The following ASPSCR1 variants were observed in gnomAD, a reference collection of about 807,000 sequenced individuals.
ASPSCR1 encodes tether containing UBX domain for GLUT4.
A neutral mutation model predicts 68.9 loss-of-function variants in ASPSCR1; 55 were observed. The ratio of observed to expected loss-of-function variants is 0.80; its 90% CI spans 0.64 to 1.00. ASPSCR1 has a LOEUF of 1.00. Among genes scored for constraint, ASPSCR1 ranks in the 50% least tolerant of loss-of-function variants. The pLI, the probability that ASPSCR1 is intolerant of heterozygous loss-of-function variation, is 0.00. For missense variants in ASPSCR1, 765 were observed against 762.2 expected (o/e 1.00, Z -0.04); for synonymous variants, 352 against 332.6 (o/e 1.06, Z -0.63).
At chr17:82,005,225 CTGCTCAG>C (rs2042672102) in intron 7 of ASPSCR1, 1 of 152,356 alleles carries the variant, frequency 6.6e-6, no homozygotes. Context: ...AACACGGCCT[CTGCTCAG>C]TGGCAGGGTG....
chr17:81,998,816 T>C (rs1366935408), intron 7 of ASPSCR1, among the ~76,000 whole-genome samples: 2 of 152,242 alleles, frequency 1.3e-5, no homozygotes, highest in African/African-American at 2.4e-5. Context: ...CCGAAGGTTA[T>C]GGCCACTGCT....
At chr17:81,993,216 T>C (rs1016313313) in intron 4 of ASPSCR1, among the ~76,000 whole-genome samples, 1 of 151,996 alleles carries the variant, frequency 6.6e-6, no homozygotes. Flanking sequence ...TGTTTTGTTT[T>C]GTTTTGTTTG....
chr17:82,012,340 CGA>C, intron 12 of ASPSCR1, 57 bp downstream of exon 12: 1 of 1,565,122 alleles, frequency 6.4e-7, no homozygotes, highest in South Asian at 1.1e-5. Flanking sequence ...GAGGGCAGGA[CGA>C]GAGCGTGAGG....
chr17:81,982,215 C>T lies in ASPSCR1; in HGVS notation c.159-1339C>T, dbSNP rs551687735. Among the ~76,000 whole-genome samples the T allele has an allele frequency of 3.3e-5, 5 of 152,376 alleles. No homozygotes were observed. In the East Asian group the frequency reaches 7.7e-4, roughly 24 times the overall value. On this transcript the variant is annotated intron_variant, in intron 2 of 15. Transcript: ENST00000306739. ...AACTCCTGACCTCAAGTGATCTGCC[C>T]GTCTGGGCCTCCCAAATTGCTGGGA...
chr17:81,980,604 G>A (rs1475306536), intron 2 of ASPSCR1, among the ~76,000 whole-genome samples: 3 of 152,240 alleles, frequency 2.0e-5, no homozygotes, highest in Non-Finnish European at 4.4e-5. Context: ...GTTGCAGCTT[G>A]CAGGGTGGCC....
intron 4 of ASPSCR1, among the ~76,000 whole-genome samples, chr17:81,989,549 G>T (rs1304223052): frequency 6.6e-6 from 1 of 152,200 alleles, no homozygotes; most frequent in Non-Finnish European, 1.5e-5. Context: ...GACAGTGTAG[G>T]CGCTGTGCTT....
chr17:81,991,435 G>A (rs2144028737), intron 4 of ASPSCR1, among the ~76,000 whole-genome samples: 1 of 152,330 alleles, frequency 6.6e-6, no homozygotes, highest in African/African-American at 2.4e-5. Context: ...CTGGGGTGTA[G>A]GGATGGGCTG....
intron 3 of ASPSCR1, among the ~76,000 whole-genome samples, chr17:81,984,864 GCACACCCCCGCACA>G (rs2041919413): frequency 2.5e-5 from 1 of 39,506 alleles, no homozygotes; most frequent in South Asian, 9.5e-4. Flanking sequence ...ACACACACCT[GCACACCCCCGCACA>G]CACACCCCCC....
intron 14 of ASPSCR1, 25 bp from the exon 15 acceptor site, chr17:82,016,916 A>G: frequency 1.2e-6 from 2 of 1,611,374 alleles, no homozygotes; most frequent in Non-Finnish European, 1.7e-6. Flanking sequence ...GGCACTCACC[A>G]CTCTGTGTCT....
At chr17:82,014,671 G>A (rs369820176) in intron 12 of ASPSCR1, 2 of 217,464 alleles carry the variant, frequency 9.2e-6, no homozygotes, top group East Asian at 2.2e-4. Context: ...CCCGGAGGGT[G>A]GTGCTGTTCT....
chr17:82,012,110 G>T (rs772181461), intron 11 of ASPSCR1, 121 bp from the exon 12 acceptor site: 5 of 1,199,572 alleles, frequency 4.2e-6, no homozygotes, highest in Non-Finnish European at 4.9e-6. Flanking sequence ...GGGCGTGCTC[G>T]TGAGGGGCTC....
intron 4 of ASPSCR1, among the ~76,000 whole-genome samples, chr17:81,988,672 T>C (rs923247462): frequency 5.3e-5 from 8 of 152,172 alleles, no homozygotes; most frequent in African/African-American, 1.9e-4. Context: ...CTGACTGTTG[T>C]TGCTGGTGAA....
In ASPSCR1 at chr17:82,009,514, A is replaced by T. The variant is rs904687441; in HGVS notation, c.1117A>T (p.Thr373Ser). The change falls in exon 9 of 16, where the codon ACC (threonine) becomes TCC (serine). Residue 373 changes from threonine to serine, a missense_variant. Physicochemically the swap from Thr to Ser is moderately conservative, Grantham distance 58 (BLOSUM62 1). Transcript: ENST00000306739. ...GCGCCTGGAAGAAGCCCCCTTGGTG[A>T]CCAAGGCCTTCAGGGAGGCGCAGAT... ...RKRLEEAPLV[T>S]KAFREAQIKE... is the part of the protein sequence containing the mutation. 10 of 1,583,874 alleles carry T rather than the reference A, an allele frequency of 6.3e-6. No homozygotes were observed. The East Asian group carries it at 2.3e-4, about 37-fold the overall frequency.
intron 7 of ASPSCR1, among the ~76,000 whole-genome samples, chr17:82,002,359 GT>G (rs948851006): frequency 6.7e-6 from 1 of 148,658 alleles, no homozygotes; most frequent in African/African-American, 2.5e-5. Flanking sequence ...CCCAGTTCAA[GT>G]AATTTTTCTG....
At chr17:82,014,297 C>T (rs1251785001) in intron 12 of ASPSCR1, 1 of 152,564 alleles carries the variant, frequency 6.6e-6, no homozygotes, top group Non-Finnish European at 1.5e-5. Flanking sequence ...CAACAGGCCC[C>T]CTTCCTTCCA....
At chr17:82,001,762 A>AG (rs1452591711) in intron 7 of ASPSCR1, among the ~76,000 whole-genome samples, 1 of 152,168 alleles carries the variant, frequency 6.6e-6, no homozygotes, top group Non-Finnish European at 1.5e-5. Flanking sequence ...AACTCAGGTC[A>AG]GGGGCCCCGT....
chr17:81,984,688 C>T (rs550842309), intron 3 of ASPSCR1, among the ~76,000 whole-genome samples: 3 of 152,100 alleles, frequency 2.0e-5, no homozygotes, highest in African/African-American at 4.8e-5. Context: ...CAGTCAGGTT[C>T]GGTGGAGCTG....
At chr17:82,015,925 C>T in intron 12 of ASPSCR1, 1 of 167,562 alleles carries the variant, frequency 6.0e-6, no homozygotes, top group Non-Finnish European at 1.3e-5. Flanking sequence ...GTTTGTGTCC[C>T]TGGGCCCCCG....
At chr17:81,996,373 G>T in intron 6 of ASPSCR1, 47 bp from the exon 7 acceptor site, 1 of 1,533,468 alleles carries the variant, frequency 6.5e-7, no homozygotes. Context: ...GGGTGAGCCG[G>T]GGGTAGGCAC....
Sources: gnomAD v4.1 joint callset for allele counts (sites outside exome capture counted in the v4.1 genomes callset) on GRCh38, gnomAD v4.1.1 for gene constraint, MANE v1.5 for transcripts, NCBI Gene and HGNC (gene_info 2026-07-23, HGNC 2026-07-21) for gene names.